ATP9A: variants seen among roughly 807,000 people sequenced by gnomAD.
The protein encoded by ATP9A is probable phospholipid-transporting ATPase IIA.
In ATP9A, 52 loss-of-function variants were observed where a neutral mutation model predicts 144.1. That is an observed-to-expected ratio of 0.36 (90% confidence interval 0.29 to 0.45). ATP9A has a LOEUF of 0.45. Among genes scored for constraint, ATP9A ranks in the 20% least tolerant of loss-of-function variants. The pLI is 1.00. For missense variants in ATP9A, 947 were observed against 1,392.7 expected (o/e 0.68, Z 5.09); for synonymous variants, 582 against 557.4 (o/e 1.04, Z -0.62).
intron 23 of ATP9A, among the ~76,000 whole-genome samples, chr20:51,610,633 TG>T (rs376551233): frequency 7.2e-5 from 11 of 152,196 alleles, no homozygotes; most frequent in African/African-American, 2.6e-4. Flanking sequence ...AACAGCCCTA[TG>T]GGACTCAAGC....
At chr20:51,642,925 G>C (rs932482975) in intron 14 of ATP9A, among the ~76,000 whole-genome samples, 1 of 151,836 alleles carries the variant, frequency 6.6e-6, no homozygotes, top group Non-Finnish European at 1.5e-5. Context: ...GATCAAGCTG[G>C]AGCTCAAAAC....
At position 51,755,164 on chromosome 20, in the gene ATP9A, G is replaced by A. The variant is rs372039800; in HGVS notation, c.68+13138C>T. Among the ~76,000 whole-genome samples the A allele has an allele frequency of 2.6e-5, 4 of 151,702 alleles. No individual in the cohort carries two copies. The East Asian group carries it at 7.8e-4, about 30-fold the overall frequency. ...AAATAAATAAATTTATTGGCTGGGCGTGATGGCTCACGCCTGTAATCCCAG... is the reference window on the plus strand; with the variant it reads ...AAATAAATAAATTTATTGGCTGGGCATGATGGCTCACGCCTGTAATCCCAG... On this transcript the variant is annotated intron_variant, in intron 1 of 27. Transcript: ENST00000338821.
At chr20:51,723,399 G>C (rs927013232) in intron 3 of ATP9A, among the ~76,000 whole-genome samples, 2 of 151,302 alleles carry the variant, frequency 1.3e-5, no homozygotes, top group East Asian at 3.9e-4. Flanking sequence ...ATAACCTATA[G>C]GAAAAAAAAT....
chr20:51,740,435 C>T (rs978186504), intron 1 of ATP9A, among the ~76,000 whole-genome samples: 19 of 129,078 alleles, frequency 1.5e-4, no homozygotes, highest in African/African-American at 4.4e-4. Context: ...GCAGGCCAGG[C>T]GCGGTGGCTC....
chr20:51,659,328 C>T (rs2077401877), intron 13 of ATP9A, among the ~76,000 whole-genome samples: 1 of 152,222 alleles, frequency 6.6e-6, no homozygotes, highest in South Asian at 2.1e-4. Flanking sequence ...ACAGAAGGCT[C>T]ACCTGAGTGA....
chr20:51,693,971 G>A (rs200525818), intron 7 of ATP9A, 37 bp downstream of exon 7: 9 of 1,573,062 alleles, frequency 5.7e-6, no homozygotes, highest in Non-Finnish European at 7.8e-6. Flanking sequence ...GCTAAGATAG[G>A]TTGCCCGCAT....
chr20:51,614,817 A>C (rs2077196900), intron 22 of ATP9A, among the ~76,000 whole-genome samples: 1 of 152,178 alleles, frequency 6.6e-6, no homozygotes, highest in African/African-American at 2.4e-5. Flanking sequence ...CACTGACATG[A>C]AAAACAAAAC....
chr20:51,701,387 T>C (rs2077592643), intron 4 of ATP9A, among the ~76,000 whole-genome samples: 1 of 152,224 alleles, frequency 6.6e-6, no homozygotes, highest in East Asian at 1.9e-4. Context: ...GTAAGGTTGC[T>C]TTCCTAAGAA....
In ATP9A at chr20:51,712,831, G is replaced by A. The variant is rs1053957032; in HGVS notation, c.436+135C>T. On this transcript the variant is annotated intron_variant, in intron 4 of 27. Transcript: ENST00000338821. The stretch of plus-strand genomic sequence containing the variant: ...CAGGGCAGATGGAGGCCTCCCTGGT[G>A]CTGGAGTAACCAAGCGACTGTTCCG... The A allele has an allele frequency of 7.9e-6, 6 of 757,708 alleles. No individual in the cohort carries two copies. The Admixed American group carries it at 1.0e-4, about 13-fold the overall frequency. 46.9% of individuals were successfully genotyped at this position (757,708 alleles called of 1,614,324 possible). A position where few individuals can be genotyped will look rare whatever the true frequency, so the allele number is the denominator to read the frequency against.
chr20:51,718,448 A>G (rs1440574668), intron 3 of ATP9A, among the ~76,000 whole-genome samples: 1 of 151,902 alleles, frequency 6.6e-6, no homozygotes, highest in Non-Finnish European at 1.5e-5. Flanking sequence ...TTCTATTTGA[A>G]AAAAGAACAG....
chr20:51,714,127 G>A (rs991892600), intron 3 of ATP9A, among the ~76,000 whole-genome samples: 2 of 151,868 alleles, frequency 1.3e-5, no homozygotes, highest in Admixed American at 6.6e-5. Context: ...GGATGGTCTC[G>A]ATCTCTTGAC....
intron 13 of ATP9A, among the ~76,000 whole-genome samples, chr20:51,662,790 G>A (rs2077416233): frequency 1.3e-5 from 2 of 151,408 alleles, no homozygotes; most frequent in Non-Finnish European, 3.0e-5. Flanking sequence ...AAATATACAC[G>A]CCGGGCACAG....
chr20:51,662,501 C>T (rs369835975), intron 13 of ATP9A, among the ~76,000 whole-genome samples: 7 of 150,180 alleles, frequency 4.7e-5, no homozygotes, highest in South Asian at 2.1e-4. Flanking sequence ...GCTGAGATCA[C>T]GCCACTGCAC....
At chr20:51,694,782 T>C (rs1386594194) in intron 6 of ATP9A, among the ~76,000 whole-genome samples, 1 of 152,194 alleles carries the variant, frequency 6.6e-6, no homozygotes, top group Non-Finnish European at 1.5e-5. Flanking sequence ...CTCCATCAGA[T>C]ACAGAACATA....
intron 6 of ATP9A, among the ~76,000 whole-genome samples, chr20:51,695,230 T>C (rs1292889261): frequency 6.6e-6 from 1 of 152,128 alleles, no homozygotes; most frequent in Non-Finnish European, 1.5e-5. Flanking sequence ...GGCTCACACC[T>C]GTAATTCCAG....
At chr20:51,692,047 A>T (rs2077550617) in intron 7 of ATP9A, among the ~76,000 whole-genome samples, 1 of 152,246 alleles carries the variant, frequency 6.6e-6, no homozygotes, top group South Asian at 2.1e-4. Flanking sequence ...GGGTAGTTTA[A>T]TTCATAGAGA....
intron 4 of ATP9A, among the ~76,000 whole-genome samples, chr20:51,698,100 C>T (rs1482495655): frequency 1.3e-5 from 2 of 152,174 alleles, no homozygotes; most frequent in Non-Finnish European, 2.9e-5. Context: ...AGCTTTCAGA[C>T]GAGGAAAGGA....
chr20:51,613,573 G>C (rs559635968), intron 23 of ATP9A, 104 bp downstream of exon 23: 24 of 1,249,828 alleles, frequency 1.9e-5, no homozygotes, highest in Non-Finnish European at 2.4e-5. Flanking sequence ...CTTTTTCCAT[G>C]ATAATTACAT....
intron 14 of ATP9A, among the ~76,000 whole-genome samples, chr20:51,646,214 A>G (rs149297052): frequency 8.9e-4 from 136 of 152,316 alleles, no homozygotes; most frequent in African/African-American, 3.2e-3. Context: ...CTTGGCCAGC[A>G]ATAAACCACT....
Sources: allele counts gnomAD v4.1 joint callset (sites outside exome capture counted in the v4.1 genomes callset), GRCh38; gene constraint gnomAD v4.1.1; transcripts MANE v1.5; gene names NCBI Gene and HGNC (gene_info 2026-07-23, HGNC 2026-07-21).